The following HPSE2 variants were observed in gnomAD, a reference collection of about 807,000 sequenced individuals.
The protein encoded by HPSE2 is heparanase 2 (inactive), also known as inactive heparanase-2.
Under a neutral mutation model 60.5 loss-of-function variants are expected in HPSE2, and 38 were observed. The observed-to-expected ratio is 0.63, with a 90% confidence interval of 0.48 to 0.82. HPSE2 has a LOEUF of 0.82. Ranked by LOEUF, HPSE2 falls within the 40% of genes least tolerant of loss-of-function variation. The pLI, the probability that HPSE2 is intolerant of heterozygous loss-of-function variation, is 0.00. For synonymous variants in HPSE2, 295 were observed against 293.2 expected (o/e 1.01, Z -0.06); for missense variants, 713 against 740.4 (o/e 0.96, Z 0.43).
At chr10:99,112,903 CA>C (rs1466743195) in intron 3 of HPSE2, among the ~76,000 whole-genome samples, 4 of 152,032 alleles carry the variant, frequency 2.6e-5, no homozygotes, top group African/African-American at 9.7e-5. Context: ...TGCCCACACC[CA>C]CGCAATCTCT....
chr10:99,238,572 A>G (rs1472103487), upstream of HPSE2, among the ~76,000 whole-genome samples: 1 of 152,184 alleles, frequency 6.6e-6, no homozygotes, highest in East Asian at 1.9e-4. Context: ...AATAACTGAT[A>G]TTTAAGAGGT....
chr10:99,073,474 G>C (rs542959246), intron 3 of HPSE2, among the ~76,000 whole-genome samples: 13 of 152,150 alleles, frequency 8.5e-5, no homozygotes, highest in Non-Finnish European at 1.9e-4. Flanking sequence ...GGGGCCTGTT[G>C]GGGGTGGGGT....
intron 3 of HPSE2, among the ~76,000 whole-genome samples, chr10:98,962,537 C>A (rs1466428659): frequency 6.6e-6 from 1 of 151,396 alleles, no homozygotes; most frequent in African/African-American, 2.4e-5. Context: ...GGGATGCCCT[C>A]TCTCACCACT....
intron 6 of HPSE2, among the ~76,000 whole-genome samples, chr10:98,649,535 G>A (rs1472200317): frequency 6.6e-6 from 1 of 152,130 alleles, no homozygotes; most frequent in Admixed American, 6.6e-5. Context: ...CTGTAATCAA[G>A]TAAAATTGTT....
chr10:98,995,873 A>G (rs1956631535), intron 3 of HPSE2, among the ~76,000 whole-genome samples: 1 of 152,226 alleles, frequency 6.6e-6, no homozygotes, highest in Non-Finnish European at 1.5e-5. Flanking sequence ...AAAGGTGATC[A>G]TGATTAGTCA....
At chr10:98,548,855 C>T (rs1010785323) in intron 9 of HPSE2, among the ~76,000 whole-genome samples, 1 of 152,158 alleles carries the variant, frequency 6.6e-6, no homozygotes, top group Admixed American at 6.6e-5. Context: ...TCATATATCT[C>T]TCACTGTGGC....
intron 11 of HPSE2, among the ~76,000 whole-genome samples, chr10:98,474,092 T>G (rs989769961): frequency 6.6e-6 from 1 of 152,182 alleles, no homozygotes; most frequent in Non-Finnish European, 1.5e-5. Context: ...TCAAAAAATG[T>G]AGGTACCAAA....
chr10:98,868,078 A>AAAATAAAT (rs34543812), intron 3 of HPSE2, among the ~76,000 whole-genome samples: 1 of 140,220 alleles, frequency 7.1e-6, no homozygotes, highest in Non-Finnish European at 1.5e-5. Flanking sequence ...AGAAAGAAAG[A>AAAATAAAT]AAATAAATAA....
At chr10:98,897,411 G>T (rs1488609651) in intron 3 of HPSE2, among the ~76,000 whole-genome samples, 1 of 151,978 alleles carries the variant, frequency 6.6e-6, no homozygotes, top group Admixed American at 6.6e-5. Flanking sequence ...AACAGCATTG[G>T]AAGACTCACA....
chr10:98,882,666 T>C (rs1460048227), intron 3 of HPSE2, among the ~76,000 whole-genome samples: 1 of 152,072 alleles, frequency 6.6e-6, no homozygotes, highest in Non-Finnish European at 1.5e-5. Context: ...AAACCCAACA[T>C]CAATGAGACA....
At chr10:99,138,720 C>T (rs1845753626) in intron 3 of HPSE2, among the ~76,000 whole-genome samples, 1 of 152,098 alleles carries the variant, frequency 6.6e-6, no homozygotes, top group South Asian at 2.1e-4. Flanking sequence ...GGGATGGGAA[C>T]ATCACACACC....
At chr10:99,252,479 G>C in the HPSE2 span, among the ~76,000 whole-genome samples, 1 of 152,110 alleles carries the variant, frequency 6.6e-6, no homozygotes. Flanking sequence ...CAATGTTTCA[G>C]GATACAAAAT....
intron 3 of HPSE2, among the ~76,000 whole-genome samples, chr10:99,035,733 TAGGAATTTTTCAGGC>T (rs1288968102): frequency 6.6e-6 from 1 of 152,238 alleles, no homozygotes; most frequent in Admixed American, 6.5e-5. Context: ...CATTACGTGA[TAGGAATTTTTCAGGC>T]AGGAATTTTT....
At chr10:98,591,530 G>T (rs1433585965) in intron 9 of HPSE2, among the ~76,000 whole-genome samples, 3 of 152,112 alleles carry the variant, frequency 2.0e-5, no homozygotes, top group East Asian at 3.9e-4. Context: ...AGGCGTGGTA[G>T]TGTGCGCCCA....
chr10:99,309,965 T>G, the HPSE2 span, among the ~76,000 whole-genome samples: 2 of 152,248 alleles, frequency 1.3e-5, no homozygotes, highest in Non-Finnish European at 2.9e-5. Context: ...AAGCCAGAAG[T>G]CTGAAACCAA....
chr10:98,528,119 C>G (rs1302819218), intron 9 of HPSE2, among the ~76,000 whole-genome samples: 1 of 152,092 alleles, frequency 6.6e-6, no homozygotes, highest in African/African-American at 2.4e-5. Context: ...AAGAATGTCT[C>G]TAAATTTGGT....
intron 7 of HPSE2, among the ~76,000 whole-genome samples, chr10:98,631,503 G>A (rs1220564394): frequency 6.6e-6 from 1 of 152,144 alleles, no homozygotes; most frequent in African/African-American, 2.4e-5. Flanking sequence ...CTACTTACAA[G>A]TCATAGGTTC....
the HPSE2 span, among the ~76,000 whole-genome samples, chr10:99,305,960 C>CAT: frequency 0.37 from 27,697 of 74,980 alleles, 4,991 homozygotes; most frequent in African/African-American, 0.61. Context: ...AACTCACACA[C>CAT]ACGCGCGCGC....
chr10:98,693,819 G>T, intron 6 of HPSE2, 81 bp downstream of exon 6: 1 of 1,128,900 alleles, frequency 8.9e-7, no homozygotes, highest in Non-Finnish European at 1.4e-6. Flanking sequence ...TTAAATGTCA[G>T]TTATGAACTT....
Sources: allele counts gnomAD v4.1 joint callset (sites outside exome capture counted in the v4.1 genomes callset), GRCh38; gene constraint gnomAD v4.1.1; transcripts MANE v1.5; gene names NCBI Gene and HGNC (gene_info 2026-07-23, HGNC 2026-07-21).